The following TMEM263 variants were observed in gnomAD, a reference collection of about 807,000 sequenced individuals.
The protein encoded by TMEM263 is transmembrane protein 263.
TMEM263 carries 5 observed loss-of-function variants against 8.6 expected under a neutral mutation model. That is an observed-to-expected ratio of 0.58 (90% CI 0.31 to 1.23). The LOEUF is 1.23. TMEM263 is among the 50% of genes most tolerant of loss of function. TMEM263 has a pLI of 0.07. For missense variants in TMEM263, 104 were observed against 138.8 expected (o/e 0.75, Z 1.26); for synonymous variants, 50 against 47.9 (o/e 1.04, Z -0.18).
intron 2 of TMEM263, among the ~76,000 whole-genome samples, chr12:106,964,129 G>A (rs1435662392): frequency 1.3e-5 from 2 of 152,156 alleles, no homozygotes; most frequent in Admixed American, 6.6e-5. Flanking sequence ...GAAATTAATT[G>A]TCCAGCAGGG....
chr12:106,961,300 T>A (rs1280275072), intron 2 of TMEM263, among the ~76,000 whole-genome samples: 1 of 144,080 alleles, frequency 6.9e-6, no homozygotes, highest in Non-Finnish European at 1.5e-5. Flanking sequence ...GGTCTTGACT[T>A]CCTTAGCTCA....
intron 2 of TMEM263, among the ~76,000 whole-genome samples, chr12:106,964,538 G>T (rs765509948): frequency 2.0e-5 from 3 of 152,210 alleles, no homozygotes; most frequent in Non-Finnish European, 4.4e-5. Flanking sequence ...TGCATCAGCT[G>T]AAATTCTTAC....
At chr12:106,962,654 G>A (rs1951794546) in intron 2 of TMEM263, among the ~76,000 whole-genome samples, 1 of 152,108 alleles carries the variant, frequency 6.6e-6, no homozygotes, top group Non-Finnish European at 1.5e-5. Flanking sequence ...CTGAATTTCT[G>A]GCCCCTTAAA....
intron 2 of TMEM263, among the ~76,000 whole-genome samples, chr12:106,957,897 C>A (rs1951722190): frequency 6.6e-6 from 1 of 152,178 alleles, no homozygotes; most frequent in Non-Finnish European, 1.5e-5. Context: ...AAAGCAGACT[C>A]TTCTTGATAG....
intron 2 of TMEM263, 21 bp from the exon 3 acceptor site, chr12:106,967,090 G>A (rs764903363): frequency 1.3e-6 from 2 of 1,506,202 alleles, no homozygotes; most frequent in South Asian, 2.4e-5. Context: ...AATGAAATGT[G>A]TTTGTATGTT....
intron 3 of TMEM263, 132 bp from the exon 4 acceptor site, chr12:106,970,973 G>GA: frequency 1.2e-6 from 1 of 811,898 alleles, no homozygotes; most frequent in South Asian, 1.8e-5. Context: ...CAGTGTCTTT[G>GA]AATCAGTGTG....
chr12:106,967,441 G>A (rs1951862161), intron 3 of TMEM263: 1 of 297,838 alleles, frequency 3.4e-6, no homozygotes, highest in Admixed American at 5.4e-5. Context: ...TGTATTTTTA[G>A]TAGAGACAGG....
chr12:106,963,684 A>G (rs971258117), intron 2 of TMEM263, among the ~76,000 whole-genome samples: 1 of 152,176 alleles, frequency 6.6e-6, no homozygotes, highest in African/African-American at 2.4e-5. Flanking sequence ...ATGCTTATCC[A>G]CAGAAGGATG....
chr12:106,968,212 C>G (rs896190429), intron 3 of TMEM263, among the ~76,000 whole-genome samples: 2 of 152,020 alleles, frequency 1.3e-5, no homozygotes, highest in South Asian at 4.1e-4. Flanking sequence ...AAATTTTCTT[C>G]CTATATTTCT....
In TMEM263 at chr12:106,972,680, CCTT is replaced by C. The variant is rs1401564240; in HGVS notation, c.*1293_*1295del. ...TTATTAATATGTCTCATGTCTCGTT[CCTT>C]CTTAATATGATTTAGCTGGAATTCA... On this transcript the variant is annotated 3_prime_UTR_variant, in exon 4 of 4. Transcript: ENST00000280756. 1.3e-5 allele frequency: 2 copies of C among 152,000 alleles called. No individual in the cohort carries two copies. Among genetic ancestry groups the C allele is most frequent in the African/African-American group, 2.4e-5 (1 of 41,396 alleles). 9.4% of individuals were successfully genotyped at this position (152,000 alleles called of 1,614,324 possible). A position where few individuals can be genotyped will look rare whatever the true frequency, so the allele number is the denominator to read the frequency against.
Position 106,961,402 on chromosome 12 carries a change from C to CAGT in TMEM263, c.-7+4254_-7+4255insGTA, listed in dbSNP as rs1398482676. On this transcript the variant is annotated intron_variant, in intron 2 of 3. Coordinates refer to ENST00000280756, the MANE Select transcript of TMEM263 (RefSeq NM_152261.4). ...CCCACAAATACTATCTGGCAGCTTACAACAAAAACATGTACCAACAAATTG... is the reference window on the plus strand; with the variant it reads ...CCCACAAATACTATCTGGCAGCTTACAGTAACAAAAACATGTACCAACAAATTG... 2.0e-5 allele frequency among the ~76,000 whole-genome samples: 3 copies of CAGT among 151,878 alleles called. No homozygotes were observed. The East Asian group carries it at 5.8e-4, about 29-fold the overall frequency.
intron 1 of TMEM263, 120 bp from the exon 2 acceptor site, chr12:106,956,962 G>T (rs1951702485): frequency 3.7e-6 from 2 of 541,992 alleles, no homozygotes; most frequent in African/African-American, 2.0e-5. Flanking sequence ...GAAGGGTTTA[G>T]AAACACCTAG....
In TMEM263 at chr12:106,957,167, T is replaced by C. The variant is rs1375469376; in HGVS notation, c.-7+18T>C. ...ACCAACAGGTAAACGCGCGCGCCCG[T>C]GTGTGTGTGTGTGTGTGTGTGTGTG... On this transcript the variant is annotated intron_variant, in intron 2 of 3. Transcript: ENST00000280756. 3.6e-5 allele frequency: 1 copy of C among 27,948 alleles called. No homozygotes were observed. The highest frequency in any genetic ancestry group is 4.0e-5 in the Non-Finnish European group (1 of 25,236). The allele number at this position is 27,948 out of a possible 1,614,324, so 1.7% of individuals were successfully genotyped here.
At chr12:106,961,877 T>C (rs1951782324) in intron 2 of TMEM263, among the ~76,000 whole-genome samples, 1 of 152,210 alleles carries the variant, frequency 6.6e-6, no homozygotes, top group South Asian at 2.1e-4. Context: ...TGATACCATT[T>C]TCTTAAAGCA....
At chr12:106,963,665 G>T (rs1017465093) in intron 2 of TMEM263, among the ~76,000 whole-genome samples, 15 of 152,082 alleles carry the variant, frequency 9.9e-5, no homozygotes, top group African/African-American at 3.4e-4. Flanking sequence ...CTCTGCTCAT[G>T]GGTTCTTAAT....
chr12:106,967,072 G>A, intron 2 of TMEM263, 39 bp from the exon 3 acceptor site: 2 of 1,334,784 alleles, frequency 1.5e-6, no homozygotes. Flanking sequence ...CTCACATGTT[G>A]AGGTTAAAAT....
chr12:106,956,077 G>A lies in TMEM263; in HGVS notation c.-75+12G>A. 3 of 980,146 alleles carry A rather than the reference G, an allele frequency of 3.1e-6. No individual in the cohort carries two copies. Among genetic ancestry groups the A allele is most frequent in the Non-Finnish European group, 3.6e-6 (3 of 825,102 alleles). The allele number at this position is 980,146 out of a possible 1,614,324, so 60.7% of individuals were successfully genotyped here. ...CCGCGACCCCGGCGGTGAGTGAGTC[G>A]GGATGCGAGGGCAGGGGCGCAGTCC... On this transcript the variant is annotated intron_variant, in intron 1 of 3. Transcript: ENST00000280756.
intron 2 of TMEM263, among the ~76,000 whole-genome samples, chr12:106,962,279 T>G (rs1726202639): frequency 6.6e-6 from 1 of 151,522 alleles, no homozygotes; most frequent in Non-Finnish European, 1.5e-5. Context: ...AGTCTTTTTG[T>G]ATGCATTTTT....
chr12:106,960,189 C>T lies in TMEM263; in HGVS notation c.-7+3040C>T, dbSNP rs192545131. Among the ~76,000 whole-genome samples, 167 of 152,258 alleles carry T rather than the reference C, an allele frequency of 1.1e-3. 1 individual carries two copies. The highest frequency in any genetic ancestry group is 1.9e-4 in the Non-Finnish European group (13 of 68,026). ...AGCTAGGATTACAGGCATGCGCCAC[C>T]ATGCCCGGCTAATTTTTGTATTTTT... On this transcript the variant is annotated intron_variant, in intron 2 of 3. Transcript: ENST00000280756.
Sources: gnomAD v4.1 joint callset for allele counts (sites outside exome capture counted in the v4.1 genomes callset) on GRCh38, gnomAD v4.1.1 for gene constraint, MANE v1.5 for transcripts, NCBI Gene and HGNC (gene_info 2026-07-23, HGNC 2026-07-21) for gene names.